Variants in PRR16 observed in about 807,000 individuals in gnomAD.
PRR16 encodes proline rich 16, also known as protein Largen.
PRR16 carries 6 observed loss-of-function variants against 18.2 expected under a neutral mutation model. The observed-to-expected ratio is 0.33, with a 90% confidence interval of 0.18 to 0.65. PRR16 has a LOEUF of 0.65. Ranked by LOEUF, PRR16 falls within the 30% of genes least tolerant of loss-of-function variation. The probability of loss-of-function intolerance (pLI) is 0.74; values close to 1 mark genes in which losing one functional copy is unlikely to be tolerated. For synonymous variants in PRR16, 151 were observed against 147.8 expected (o/e 1.02, Z -0.16); for missense variants, 412 against 376.6 (o/e 1.09, Z -0.78).
At chr5:120,506,015 TTCA>T (rs1237014853) in intron 1 of PRR16, among the ~76,000 whole-genome samples, 2 of 150,994 alleles carry the variant, frequency 1.3e-5, no homozygotes, top group Non-Finnish European at 3.0e-5. Flanking sequence ...TCACATTTAC[TTCA>T]TCATGTTCAC....
At chr5:120,628,632 C>A (rs1300735110) in intron 1 of PRR16, among the ~76,000 whole-genome samples, 1 of 149,980 alleles carries the variant, frequency 6.7e-6, no homozygotes, top group Non-Finnish European at 1.5e-5. Flanking sequence ...TTCTACTCAT[C>A]TCTCTATCTT....
chr5:120,500,639 T>G (rs1296211940), intron 1 of PRR16, among the ~76,000 whole-genome samples: 1 of 152,210 alleles, frequency 6.6e-6, no homozygotes, highest in Non-Finnish European at 1.5e-5. Flanking sequence ...GCATTTATTC[T>G]TGATTTCTTG....
chr5:120,595,248 T>A, intron 1 of PRR16, among the ~76,000 whole-genome samples: 1 of 151,622 alleles, frequency 6.6e-6, no homozygotes, highest in Non-Finnish European at 1.5e-5. Context: ...GCAAGCAAAA[T>A]CAAACAATCT....
chr5:120,737,008 G>C, the PRR16 span, among the ~76,000 whole-genome samples: 2 of 152,160 alleles, frequency 1.3e-5, no homozygotes, highest in Non-Finnish European at 2.9e-5. Context: ...GAGATCTTTA[G>C]AGTGTTCTAC....
At chr5:120,499,369 A>G (rs1447318204) in intron 1 of PRR16, among the ~76,000 whole-genome samples, 4 of 151,896 alleles carry the variant, frequency 2.6e-5, no homozygotes, top group Non-Finnish European at 5.9e-5. Flanking sequence ...ACTCTCCTAG[A>G]ACTCCAGTGA....
At chr5:120,770,966 A>G in the PRR16 span, among the ~76,000 whole-genome samples, 1 of 139,678 alleles carries the variant, frequency 7.2e-6, no homozygotes, top group African/African-American at 3.1e-5. Context: ...ACACACACAC[A>G]CACACCTTGC....
At chr5:120,481,161 T>A in intron 1 of PRR16, 1 of 1,122,792 alleles carries the variant, frequency 8.9e-7, no homozygotes, top group South Asian at 1.4e-5. Context: ...TTTATTTTTT[T>A]TTTGGAGATG....
chr5:120,764,840 G>C, the PRR16 span, among the ~76,000 whole-genome samples: 1 of 151,850 alleles, frequency 6.6e-6, no homozygotes, highest in Non-Finnish European at 1.5e-5. Context: ...GCCACCCACT[G>C]GCATTTATGG....
intron 1 of PRR16, among the ~76,000 whole-genome samples, chr5:120,648,031 A>G (rs17146886): frequency 0.099 from 15,129 of 152,106 alleles, 2,176 homozygotes; most frequent in East Asian, 0.72. Flanking sequence ...ATTAAGGAAA[A>G]TATGAGAAGT....
the PRR16 span, among the ~76,000 whole-genome samples, chr5:120,788,963 T>C: frequency 6.6e-6 from 1 of 152,110 alleles, no homozygotes; most frequent in Non-Finnish European, 1.5e-5. Context: ...CTAGTAATTT[T>C]GTCACAGAAT....
intron 1 of PRR16, among the ~76,000 whole-genome samples, chr5:120,493,812 T>C (rs1466404551): frequency 6.6e-6 from 1 of 152,152 alleles, no homozygotes; most frequent in African/African-American, 2.4e-5. Flanking sequence ...TTAGGCTTTT[T>C]TCACTGAACA....
intron 1 of PRR16, among the ~76,000 whole-genome samples, chr5:120,620,071 G>C (rs1222378435): frequency 1.3e-5 from 2 of 152,120 alleles, no homozygotes; most frequent in Non-Finnish European, 2.9e-5. Context: ...AGTATTGTTT[G>C]TTAACTGAAT....
intron 1 of PRR16, among the ~76,000 whole-genome samples, chr5:120,631,927 A>T (rs911788840): frequency 2.0e-5 from 3 of 152,094 alleles, no homozygotes; most frequent in African/African-American, 7.2e-5. Flanking sequence ...AGGCCAACCA[A>T]CACAAAACCA....
intron 1 of PRR16, among the ~76,000 whole-genome samples, chr5:120,598,224 T>A (rs1044417495): frequency 3.3e-5 from 5 of 151,940 alleles, no homozygotes; most frequent in African/African-American, 1.2e-4. Context: ...ACATTTCTTG[T>A]TAATTATTTC....
the PRR16 span, among the ~76,000 whole-genome samples, chr5:120,742,642 A>T: frequency 6.6e-6 from 1 of 152,196 alleles, no homozygotes; most frequent in Non-Finnish European, 1.5e-5. Flanking sequence ...ATTTTAAAAT[A>T]ATGCATCTAA....
chr5:120,727,388 T>A, the PRR16 span, among the ~76,000 whole-genome samples: 1 of 152,094 alleles, frequency 6.6e-6, no homozygotes, highest in Non-Finnish European at 1.5e-5. Flanking sequence ...GTCACCTGCC[T>A]AATCTGTATG....
chr5:120,617,286 C>A, intron 1 of PRR16: 2 of 535,250 alleles, frequency 3.7e-6, no homozygotes, highest in Non-Finnish European at 4.8e-6. Context: ...ATTTGTAATT[C>A]AAAATATATG....
At chr5:120,653,021 G>A (rs190493836) in intron 1 of PRR16, among the ~76,000 whole-genome samples, 9 of 151,870 alleles carry the variant, frequency 5.9e-5, no homozygotes, top group South Asian at 4.1e-4. Flanking sequence ...AAATGCAGCC[G>A]AGTAATCTAG....
chr5:120,526,795 C>T (rs1751369412), intron 1 of PRR16, among the ~76,000 whole-genome samples: 1 of 152,138 alleles, frequency 6.6e-6, no homozygotes, highest in Admixed American at 6.5e-5. Flanking sequence ...TACGGGATTT[C>T]ACCATGTTGG....
Sources: gnomAD v4.1 joint callset for allele counts (sites outside exome capture counted in the v4.1 genomes callset) on GRCh38, gnomAD v4.1.1 for gene constraint, MANE v1.5 for transcripts, NCBI Gene and HGNC (gene_info 2026-07-23, HGNC 2026-07-21) for gene names.